The following SCARB2 variants were observed in gnomAD, a reference collection of about 807,000 sequenced individuals.
SCARB2 encodes the protein scavenger receptor class B member 2.
In SCARB2, 29 loss-of-function variants were observed where a neutral mutation model predicts 58.6. The ratio of observed to expected loss-of-function variants is 0.49; its 90% confidence interval spans 0.37 to 0.67. SCARB2 has a LOEUF of 0.67. Among genes scored for constraint, SCARB2 ranks in the 30% least tolerant of loss-of-function variants. The probability of loss-of-function intolerance (pLI) is 0.00; values close to 1 mark genes in which losing one functional copy is unlikely to be tolerated. For synonymous variants in SCARB2, 195 were observed against 210.1 expected (o/e 0.93, Z 0.62); for missense variants, 488 against 578.5 (o/e 0.84, Z 1.60).
intron 1 of SCARB2, among the ~76,000 whole-genome samples, chr4:76,197,222 C>A (rs2109962054): frequency 6.6e-6 from 1 of 152,352 alleles, no homozygotes; most frequent in Admixed American, 6.5e-5. Flanking sequence ...CACCATGACT[C>A]CCCTAAGGGT....
intron 2 of SCARB2, chr4:76,184,656 C>T: frequency 7.9e-6 from 2 of 252,292 alleles, no homozygotes; most frequent in East Asian, 1.4e-4. Context: ...GTGACATGTA[C>T]CTGTAGTGTC....
At chr4:76,178,194 A>G (rs1732292117) in intron 4 of SCARB2, among the ~76,000 whole-genome samples, 1 of 152,222 alleles carries the variant, frequency 6.6e-6, no homozygotes, top group African/African-American at 2.4e-5. Flanking sequence ...TTAAGGGCAC[A>G]TACAGACACT....
At chr4:76,205,717 T>G (rs778104190) in intron 1 of SCARB2, among the ~76,000 whole-genome samples, 3 of 152,194 alleles carry the variant, frequency 2.0e-5, no homozygotes, top group Non-Finnish European at 4.4e-5. Context: ...GCCATGGGTT[T>G]GTACATTTGT....
chr4:76,205,160 T>C (rs1490722558), intron 1 of SCARB2, among the ~76,000 whole-genome samples: 1 of 151,964 alleles, frequency 6.6e-6, no homozygotes, highest in African/African-American at 2.4e-5. Context: ...ACCCCATCTC[T>C]ACAAAAAAAT....
At chr4:76,181,404 T>A (rs988919764) in intron 2 of SCARB2, among the ~76,000 whole-genome samples, 2 of 152,150 alleles carry the variant, frequency 1.3e-5, no homozygotes, top group African/African-American at 2.4e-5. Context: ...CTCTCCTGGG[T>A]TATGGTTTGG....
chr4:76,233,864 G>C (rs1021709762), intron 1 of SCARB2, among the ~76,000 whole-genome samples: 6 of 152,204 alleles, frequency 3.9e-5, no homozygotes, highest in African/African-American at 9.6e-5. Flanking sequence ...AGTTGGTTGG[G>C]GGGGGCTTGG....
At chr4:76,174,682 C>T (rs1471440745) in intron 6 of SCARB2, 9 of 285,602 alleles carry the variant, frequency 3.2e-5, no homozygotes, top group Non-Finnish European at 3.4e-5. Context: ...AGCCAGGGCA[C>T]GGCAGAGCCA....
At chr4:76,179,085 G>T in intron 4 of SCARB2, 2 of 177,810 alleles carry the variant, frequency 1.1e-5, no homozygotes, top group Admixed American at 5.6e-5. Context: ...ACAGAGTCTT[G>T]CTCTGTCACC....
intron 1 of SCARB2, among the ~76,000 whole-genome samples, chr4:76,233,399 C>T (rs879462440): frequency 6.6e-6 from 1 of 152,200 alleles, no homozygotes; most frequent in Non-Finnish European, 1.5e-5. Context: ...CACCTATTTA[C>T]ATTTTAATGA....
chr4:76,204,480 C>T (rs971019510), intron 1 of SCARB2, among the ~76,000 whole-genome samples: 5 of 152,076 alleles, frequency 3.3e-5, no homozygotes, highest in African/African-American at 4.8e-5. Flanking sequence ...GAATGACAAT[C>T]CCAAAAAACC....
intron 6 of SCARB2, 90 bp downstream of exon 6, chr4:76,175,701 A>C: frequency 7.0e-7 from 1 of 1,419,262 alleles, no homozygotes; most frequent in Non-Finnish European, 9.9e-7. Context: ...CATGCATAAT[A>C]AGTGTGTCTG....
intron 1 of SCARB2, among the ~76,000 whole-genome samples, chr4:76,196,866 A>G (rs1301911847): frequency 6.6e-6 from 1 of 152,146 alleles, no homozygotes; most frequent in Non-Finnish European, 1.5e-5. Flanking sequence ...TAAATTCCTA[A>G]GCTGAAGTCC....
intron 2 of SCARB2, chr4:76,192,887 T>C (rs1229452114): frequency 6.6e-6 from 1 of 152,148 alleles, no homozygotes; most frequent in East Asian, 1.9e-4. Context: ...GGGAGATAAA[T>C]TCAAGCAGGC....
intron 2 of SCARB2, among the ~76,000 whole-genome samples, chr4:76,190,987 A>G (rs1272736999): frequency 6.6e-6 from 1 of 152,240 alleles, no homozygotes; most frequent in South Asian, 2.1e-4. Context: ...TATCTCATTA[A>G]TAATTCTAAA....
rs1170805864 is a variant in SCARB2, at chr4:76,160,815, A to T, written c.*898T>A. 1 of 152,228 alleles carries T rather than the reference A, an allele frequency of 6.6e-6. No homozygotes were observed. The highest frequency in any genetic ancestry group is 1.9e-4 in the East Asian group (1 of 5,208). 9.4% of individuals were successfully genotyped at this position (152,228 alleles called of 1,614,324 possible). ...TAATCACTCAATATTAGATTAATTA[A>T]TACAGTAACATATTTGGCAAGGGCG... On this transcript the variant is annotated 3_prime_UTR_variant, in exon 12 of 12. Coordinates refer to ENST00000264896, the MANE Select transcript of SCARB2 (RefSeq NM_005506.4).
At chr4:76,219,950 TC>T (rs1417863174) in intron 1 of SCARB2, among the ~76,000 whole-genome samples, 1 of 152,230 alleles carries the variant, frequency 6.6e-6, no homozygotes, top group Non-Finnish European at 1.5e-5. Flanking sequence ...TCCAGTTCTT[TC>T]ATAAATAAAT....
rs2053487 is a variant in SCARB2 at position 76,176,183 on chromosome 4, C to T, written c.704+254G>A. 0.098 allele frequency: 58,994 copies of T among 602,278 alleles called. 4,023 individuals are homozygous for T. The highest frequency in any genetic ancestry group is 0.23 in the East Asian group (8,312 of 35,920). 37.3% of individuals were successfully genotyped at this position (602,278 alleles called of 1,614,324 possible). On this transcript the variant is annotated intron_variant, in intron 5 of 11. Transcript: ENST00000264896. The stretch of plus-strand genomic sequence containing the variant: ...GCTACTACACATCACTCAATGACTA[C>T]TAAGCAAGAGTGGGACTTTTCACTG...
chr4:76,179,598 G>C lies in SCARB2; in HGVS notation c.531C>G (p.Leu177=). The change falls in exon 4 of 12, where the codon CTC becomes CTG. Residue 177 remains leucine (L), a synonymous_variant. Coordinates refer to ENST00000264896, the MANE Select transcript of SCARB2 (RefSeq NM_005506.4). ...ACAAGATTTCATCTTTGTAGCCCCAGAGCAATTCGTCAACTGTGTGAGTCA... is the reference window on the plus strand; with the variant it reads ...ACAAGATTTCATCTTTGTAGCCCCACAGCAATTCGTCAACTGTGTGAGTCA... ...LFVTHTVDEL[L]WGYKDEILSL... The C allele has an allele frequency of 6.2e-7, 1 of 1,614,056 alleles. No homozygotes were observed. The highest frequency in any genetic ancestry group is 8.5e-7 in the Non-Finnish European group (1 of 1,179,894).
At position 76,211,994 on chromosome 4, in the gene SCARB2, G is replaced by A. The variant is rs544075039; in HGVS notation, c.117+1433C>T. On this transcript the variant is annotated intron_variant, in intron 1 of 11. Coordinates refer to ENST00000264896, the MANE Select transcript of SCARB2 (RefSeq NM_005506.4). ...CCTTACAGCCACCCCCTCACCCAGA[G>A]AAATGGAGACACACAGAGAATCTAA... 2.0e-5 allele frequency among the ~76,000 whole-genome samples: 3 copies of A among 152,264 alleles called. No individual in the cohort carries two copies. In the East Asian group the frequency reaches 5.8e-4, roughly 29 times the overall value.
Sources: allele counts gnomAD v4.1 joint callset (sites outside exome capture counted in the v4.1 genomes callset), GRCh38; gene constraint gnomAD v4.1.1; transcripts MANE v1.5; gene names NCBI Gene and HGNC (gene_info 2026-07-23, HGNC 2026-07-21).